The following LRRC53 variants were observed in gnomAD, a reference collection of about 807,000 sequenced individuals.
LRRC53 encodes the protein leucine rich repeat containing 53.
LRRC53 carries 25 observed loss-of-function variants against 13.6 expected under a neutral mutation model. That is an observed-to-expected ratio of 1.83 (90% CI 1.34 to 2.56). The LOEUF (loss-of-function observed/expected upper bound fraction) is 2.56, where lower values mean the gene tolerates loss of function less well. LRRC53 is among the 30% of genes most tolerant of loss of function. The pLI is 0.00. For synonymous variants in LRRC53, 204 were observed against 109.8 expected (o/e 1.86, Z -5.37); for missense variants, 527 against 275.8 (o/e 1.91, Z -6.45).
chr1:74,510,850 C>G (rs1670152224), intron 1 of LRRC53, among the ~76,000 whole-genome samples: 1 of 152,228 alleles, frequency 6.6e-6, no homozygotes, highest in South Asian at 2.1e-4. Context: ...GATAGCTAGT[C>G]TTGTATTCTT....
chr1:74,472,743 T>A (rs1009774856), intron 4 of LRRC53, among the ~76,000 whole-genome samples: 1 of 152,178 alleles, frequency 6.6e-6, no homozygotes, highest in African/African-American at 2.4e-5. Context: ...AAAATGTTCA[T>A]TAAATATTTG....
At chr1:74,504,045 T>A (rs542478205) in intron 1 of LRRC53, among the ~76,000 whole-genome samples, 2 of 152,310 alleles carry the variant, frequency 1.3e-5, no homozygotes, top group South Asian at 4.1e-4. Context: ...ACATAACACC[T>A]CTTCACCGCA....
intron 1 of LRRC53, among the ~76,000 whole-genome samples, chr1:74,488,508 A>G (rs1668880727): frequency 6.6e-6 from 1 of 152,156 alleles, no homozygotes; most frequent in Admixed American, 6.5e-5. Context: ...AAAGAAGACA[A>G]TTTTCTCAGA....
the LRRC53 span, among the ~76,000 whole-genome samples, chr1:74,535,846 A>C: frequency 1.3e-5 from 2 of 152,068 alleles, no homozygotes; most frequent in African/African-American, 4.8e-5. Flanking sequence ...TCTGGAACAG[A>C]TCTCCCCTTC....
chr1:74,477,625 C>T (rs1203101006), intron 3 of LRRC53, among the ~76,000 whole-genome samples: 2 of 152,160 alleles, frequency 1.3e-5, no homozygotes, highest in Non-Finnish European at 2.9e-5. Flanking sequence ...TTATAGGATA[C>T]AGTTTCTCCT....
At chr1:74,506,037 C>T (rs1260375505) in intron 1 of LRRC53, among the ~76,000 whole-genome samples, 1 of 152,156 alleles carries the variant, frequency 6.6e-6, no homozygotes, top group African/African-American at 2.4e-5. Context: ...CCAGCCCAGC[C>T]AGTGTTAACT....
intron 1 of LRRC53, among the ~76,000 whole-genome samples, chr1:74,494,210 C>T (rs1669219597): frequency 6.6e-6 from 1 of 152,184 alleles, no homozygotes; most frequent in African/African-American, 2.4e-5. Flanking sequence ...CACACTCATA[C>T]ACTCCATTAT....
chr1:74,527,432 T>C, the LRRC53 span, among the ~76,000 whole-genome samples: 2 of 151,750 alleles, frequency 1.3e-5, no homozygotes, highest in South Asian at 4.2e-4. Flanking sequence ...TTAGATGGAG[T>C]GGTAAATGAC....
chr1:74,532,860 A>G, the LRRC53 span, among the ~76,000 whole-genome samples: 3 of 152,174 alleles, frequency 2.0e-5, no homozygotes, highest in Non-Finnish European at 1.5e-5. Context: ...CTGGCTAGCC[A>G]TATGTAGAAA....
At chr1:74,525,155 G>A in the LRRC53 span, among the ~76,000 whole-genome samples, 2 of 152,116 alleles carry the variant, frequency 1.3e-5, no homozygotes, top group Admixed American at 1.3e-4. Flanking sequence ...AAGATAAGTA[G>A]CATTATTCAG....
chr1:74,474,878 A>C (rs559862151), intron 4 of LRRC53, among the ~76,000 whole-genome samples: 239 of 152,184 alleles, frequency 1.6e-3, no homozygotes, highest in Non-Finnish European at 3.1e-3. Context: ...CCATTCTTCT[A>C]ACATGTCATG....
intron 1 of LRRC53, among the ~76,000 whole-genome samples, chr1:74,487,743 G>A (rs1024179895): frequency 1.3e-5 from 2 of 152,154 alleles, no homozygotes; most frequent in Non-Finnish European, 2.9e-5. Flanking sequence ...TCTACTTTAG[G>A]ACATATTTGG....
At chr1:74,502,061 T>G (rs186913778) in intron 1 of LRRC53, among the ~76,000 whole-genome samples, 149 of 152,294 alleles carry the variant, frequency 9.8e-4, no homozygotes, top group African/African-American at 3.3e-3. Context: ...CCACCTTGCT[T>G]GGACCCATGA....
chr1:74,485,153 C>T (rs548361313), intron 1 of LRRC53, among the ~76,000 whole-genome samples: 7 of 152,186 alleles, frequency 4.6e-5, no homozygotes, highest in South Asian at 2.1e-4. Flanking sequence ...CAAGGAGAAA[C>T]GAAGTAAATC....
intron 1 of LRRC53, among the ~76,000 whole-genome samples, chr1:74,496,417 A>T (rs979985078): frequency 6.6e-6 from 1 of 152,174 alleles, no homozygotes; most frequent in African/African-American, 2.4e-5. Flanking sequence ...GTATAGCATT[A>T]TGATTTTGAA....
At chr1:74,521,463 C>G in the LRRC53 span, among the ~76,000 whole-genome samples, 1 of 128,080 alleles carries the variant, frequency 7.8e-6, no homozygotes. Flanking sequence ...AAATCCTTAC[C>G]TTATCTCTCT....
rs868392016 is a variant in LRRC53, at chr1:74,500,660, T to C, written c.-27+11866A>G. On this transcript the variant is annotated intron_variant, in intron 1 of 4. Coordinates refer to ENST00000294635, the MANE Select transcript of LRRC53 (RefSeq NM_001382280.1). ...AAAAAAAAAAAAAAAAAAAAAAAAA[T>C]TATTTAAGCCTCACTCTGTTGGAAG... 9.0e-3 allele frequency among the ~76,000 whole-genome samples: 1,007 copies of C among 111,582 alleles called. 17 individuals are homozygous for C. The highest frequency in any genetic ancestry group is 0.03 in the African/African-American group (977 of 32,570). The allele number at this position is 111,582 out of a possible 152,430, so 73.2% of individuals were successfully genotyped here. A position where few individuals can be genotyped will look rare whatever the true frequency, so the allele number is the denominator to read the frequency against.
At chr1:74,478,698 T>C (rs1668327677) in intron 3 of LRRC53, among the ~76,000 whole-genome samples, 1 of 152,212 alleles carries the variant, frequency 6.6e-6, no homozygotes, top group Non-Finnish European at 1.5e-5. Context: ...TTCACTTTGC[T>C]TAACTTAGTA....
chr1:74,485,365 C>G (rs370489115), intron 1 of LRRC53, among the ~76,000 whole-genome samples: 6 of 152,170 alleles, frequency 3.9e-5, no homozygotes, highest in East Asian at 3.9e-4. Context: ...TTAGTCCTAC[C>G]TGGCCGGTTA....
Sources: allele counts gnomAD v4.1 joint callset (sites outside exome capture counted in the v4.1 genomes callset), GRCh38; gene constraint gnomAD v4.1.1; transcripts MANE v1.5; gene names NCBI Gene and HGNC (gene_info 2026-07-23, HGNC 2026-07-21).